Variants in DPP6 observed in about 807,000 individuals in gnomAD.
The protein encoded by DPP6 is dipeptidyl peptidase like 6.
Under a neutral mutation model 122.6 loss-of-function variants are expected in DPP6, and 69 were observed. That is an observed-to-expected ratio of 0.56 (90% CI 0.46 to 0.69). The LOEUF (loss-of-function observed/expected upper bound fraction) is 0.69. Ranked by LOEUF, DPP6 falls within the 30% of genes least tolerant of loss-of-function variation. The probability of loss-of-function intolerance (pLI) is 0.00; values close to 1 mark genes in which losing one functional copy is unlikely to be tolerated. For synonymous variants in DPP6, 418 were observed against 433.1 expected (o/e 0.97, Z 0.43); for missense variants, 928 against 1,116.9 (o/e 0.83, Z 2.41).
chr7:154,806,652 G>A (rs894391917), intron 15 of DPP6, among the ~76,000 whole-genome samples: 10 of 152,238 alleles, frequency 6.6e-5, no homozygotes, highest in Non-Finnish European at 1.3e-4. Flanking sequence ...GACACGTGCA[G>A]ATAGAGTGCT....
rs576399710 is a variant in DPP6 at position 154,873,621 on chromosome 7, C to T, written c.1883+928C>T. On this transcript the variant is annotated intron_variant, in intron 19 of 25. Coordinates refer to ENST00000377770, the MANE Select transcript of DPP6 (RefSeq NM_130797.4). ...TAGCAAAAAGGTTCCATTATAGAAA[C>T]GCCCCAGGGCACAGATTCCAATAGC... is the stretch of plus-strand genomic sequence containing the variant. 1.2e-4 allele frequency among the ~76,000 whole-genome samples: 18 copies of T among 152,302 alleles called. No individual in the cohort carries two copies. In the South Asian group the frequency reaches 2.7e-3, roughly 23 times the overall value.
At chr7:154,558,013 A>C (rs1346763652) in intron 4 of DPP6, among the ~76,000 whole-genome samples, 2 of 152,076 alleles carry the variant, frequency 1.3e-5, no homozygotes, top group African/African-American at 4.8e-5. Flanking sequence ...TTTGTTACGT[A>C]GGTATACACG....
intron 7 of DPP6, among the ~76,000 whole-genome samples, chr7:154,675,774 G>T (rs3807224): frequency 0.088 from 13,352 of 152,162 alleles, 732 homozygotes; most frequent in East Asian, 0.15. Flanking sequence ...CCCTGCTCTG[G>T]CACGGTCACT....
At chr7:154,231,744 G>A (rs1800930750) in intron 1 of DPP6, among the ~76,000 whole-genome samples, 1 of 152,196 alleles carries the variant, frequency 6.6e-6, no homozygotes, top group African/African-American at 2.4e-5. Flanking sequence ...AGATGAGAGA[G>A]GACCTTTCAG....
the DPP6 span, among the ~76,000 whole-genome samples, chr7:153,847,965 A>G: frequency 2.6e-5 from 4 of 152,008 alleles, no homozygotes; most frequent in Non-Finnish European, 5.9e-5. Flanking sequence ...GTGGTTTTCT[A>G]CTTTCTCAGT....
At chr7:154,098,261 G>A (rs1431967091) in intron 1 of DPP6, among the ~76,000 whole-genome samples, 1 of 152,168 alleles carries the variant, frequency 6.6e-6, no homozygotes, top group Non-Finnish European at 1.5e-5. Flanking sequence ...CTGCTGCCGT[G>A]TGAAGAAGGA....
At chr7:154,502,180 G>T (rs966300860) in intron 3 of DPP6, among the ~76,000 whole-genome samples, 5 of 152,132 alleles carry the variant, frequency 3.3e-5, no homozygotes, top group African/African-American at 1.2e-4. Flanking sequence ...ACTTGCTTTT[G>T]ATTTTACACG....
In DPP6 at chr7:154,305,391, G is replaced by T; in HGVS notation, c.244-140823G>T. On this transcript the variant is annotated intron_variant, in intron 1 of 25. Transcript: ENST00000377770. ...ATAGCCTTGTGATTTCGGAAGTATG[G>T]ACTAAAATCACACTCCTCCTTACCT... The T allele has an allele frequency of 3.9e-6, 4 of 1,038,438 alleles. 1 individual carries two copies. In the South Asian group the frequency reaches 1.4e-4, roughly 36 times the overall value. The allele number at this position is 1,038,438 out of a possible 1,614,324, so 64.3% of individuals were successfully genotyped here.
chr7:154,691,538 C>T (rs768869543), intron 7 of DPP6, among the ~76,000 whole-genome samples: 1 of 152,144 alleles, frequency 6.6e-6, no homozygotes, highest in Non-Finnish European at 1.5e-5. Flanking sequence ...AATAAAGCAG[C>T]CGGGCGCGGT....
chr7:154,731,398 T>C (rs1412196815), intron 8 of DPP6, among the ~76,000 whole-genome samples: 2 of 152,264 alleles, frequency 1.3e-5, no homozygotes, highest in African/African-American at 2.4e-5. Flanking sequence ...TTGCAAAATA[T>C]TGGAGACTGA....
chr7:154,582,415 A>C (rs1299979527), intron 5 of DPP6, among the ~76,000 whole-genome samples: 1 of 152,232 alleles, frequency 6.6e-6, no homozygotes, highest in Non-Finnish European at 1.5e-5. Context: ...AGAAGAGGAC[A>C]GAATGCTGCT....
intron 8 of DPP6, among the ~76,000 whole-genome samples, chr7:154,748,597 C>G (rs757432752): frequency 6.6e-6 from 1 of 152,208 alleles, no homozygotes; most frequent in Non-Finnish European, 1.5e-5. Context: ...GGAGGGAGAC[C>G]TGGTGTGTGG....
chr7:154,669,923 G>A (rs369013159), intron 7 of DPP6, among the ~76,000 whole-genome samples: 40 of 152,064 alleles, frequency 2.6e-4, no homozygotes, highest in African/African-American at 8.7e-4. Context: ...GCAGTGGCAC[G>A]ATCTCAGCTC....
At chr7:154,825,521 GC>G (rs1800084672) in intron 16 of DPP6, among the ~76,000 whole-genome samples, 1 of 152,206 alleles carries the variant, frequency 6.6e-6, no homozygotes, top group Non-Finnish European at 1.5e-5. Flanking sequence ...GCACCTCAGT[GC>G]CTTCGTCACC....
intron 1 of DPP6, among the ~76,000 whole-genome samples, chr7:153,988,730 A>G (rs1332464526): frequency 6.6e-6 from 1 of 152,248 alleles, no homozygotes; most frequent in Admixed American, 6.5e-5. Context: ...CAGCGTGGAT[A>G]GGAAATCATG....
chr7:154,180,778 T>G (rs541214742), intron 1 of DPP6, among the ~76,000 whole-genome samples: 1 of 152,264 alleles, frequency 6.6e-6, no homozygotes, highest in Non-Finnish European at 1.5e-5. Flanking sequence ...ACCCATATTT[T>G]CAGTGATTAA....
intron 1 of DPP6, among the ~76,000 whole-genome samples, chr7:154,022,758 A>G (rs1329368651): frequency 6.6e-6 from 1 of 152,120 alleles, no homozygotes; most frequent in African/African-American, 2.4e-5. Context: ...AGACAAAGGA[A>G]CTCACCAGCA....
rs189036648 is a variant in DPP6, at chr7:154,438,536, T to C, written c.244-7678T>C. ...GAAATATCTCCTAAAGTAACAGGAG[T>C]GCATTATTAAATCCAAGGGAAAAAT... is the stretch of plus-strand genomic sequence containing the variant. On this transcript the variant is annotated intron_variant, in intron 1 of 25. Transcript: ENST00000377770. Among the ~76,000 whole-genome samples the C allele has an allele frequency of 3.3e-5, 4 of 119,952 alleles. No homozygotes were observed. The East Asian group carries it at 7.0e-4, about 21-fold the overall frequency. 78.7% of individuals were successfully genotyped at this position (119,952 alleles called of 152,430 possible).
intron 1 of DPP6, among the ~76,000 whole-genome samples, chr7:154,207,259 C>T (rs553987594): frequency 1.3e-5 from 2 of 152,300 alleles, no homozygotes; most frequent in East Asian, 3.9e-4. Flanking sequence ...CAATCATAGG[C>T]ATTTCCTGAC....
Sources: gnomAD v4.1 joint callset for allele counts (sites outside exome capture counted in the v4.1 genomes callset) on GRCh38, gnomAD v4.1.1 for gene constraint, MANE v1.5 for transcripts, NCBI Gene and HGNC (gene_info 2026-07-23, HGNC 2026-07-21) for gene names.